The following NEK10 variants were observed in gnomAD, a reference collection of about 807,000 sequenced individuals.
NEK10 encodes the protein NIMA related kinase 10, also known as serine/threonine-protein kinase Nek10.
Under a neutral mutation model 159.8 loss-of-function variants are expected in NEK10, and 122 were observed. The observed-to-expected ratio is 0.76, with a 90% CI of 0.66 to 0.89. The LOEUF is 0.89. NEK10 is among the 40% of genes least tolerant of loss of function. The probability of loss-of-function intolerance (pLI) is 0.00; values close to 1 mark genes in which losing one functional copy is unlikely to be tolerated. For missense variants in NEK10, 1,342 were observed against 1,323.1 expected (o/e 1.01, Z -0.22); for synonymous variants, 466 against 457.1 (o/e 1.02, Z -0.25).
chr3:27,283,946 C>A (rs2042385041), intron 22 of NEK10, among the ~76,000 whole-genome samples: 1 of 152,110 alleles, frequency 6.6e-6, no homozygotes, highest in South Asian at 2.1e-4. Flanking sequence ...AACCTGAAAA[C>A]CATTGATTTT....
intron 5 of NEK10, among the ~76,000 whole-genome samples, chr3:27,330,657 G>T (rs2046329566): frequency 6.6e-6 from 1 of 152,088 alleles, no homozygotes; most frequent in African/African-American, 2.4e-5. Context: ...AACAATCTTA[G>T]CCTCAATGTT....
intron 7 of NEK10, 114 bp downstream of exon 7, chr3:27,314,183 G>A: frequency 2.7e-6 from 2 of 736,002 alleles, no homozygotes; most frequent in East Asian, 2.7e-5. Context: ...GTCCCTCTCT[G>A]GGGCAGACAG....
At chr3:27,236,174 G>A (rs1445154431) in intron 23 of NEK10, among the ~76,000 whole-genome samples, 1 of 152,080 alleles carries the variant, frequency 6.6e-6, no homozygotes, top group Non-Finnish European at 1.5e-5. Flanking sequence ...GAAGGAGAGA[G>A]AGGATCAGGA....
chr3:27,240,653 T>A (rs906092271), intron 23 of NEK10, among the ~76,000 whole-genome samples: 1 of 85,360 alleles, frequency 1.2e-5, no homozygotes, highest in Non-Finnish European at 2.1e-5. Flanking sequence ...TACTATCTCA[T>A]CTTTTTTTTT....
chr3:27,270,169 T>G (rs942867813), intron 22 of NEK10, among the ~76,000 whole-genome samples: 1 of 152,194 alleles, frequency 6.6e-6, no homozygotes, highest in Non-Finnish European at 1.5e-5. Flanking sequence ...TCCAATTGTG[T>G]TGTGCTCTCT....
chr3:27,234,859 AAGCT>A (rs1953727713), intron 23 of NEK10, among the ~76,000 whole-genome samples: 1 of 152,170 alleles, frequency 6.6e-6, no homozygotes, highest in South Asian at 2.1e-4. Context: ...ACCTGACTCC[AAGCT>A]ATACTACAGG....
chr3:27,231,704 C>T (rs1237846396), intron 23 of NEK10, among the ~76,000 whole-genome samples: 1 of 151,752 alleles, frequency 6.6e-6, no homozygotes, highest in Non-Finnish European at 1.5e-5. Flanking sequence ...TCATTCAGGG[C>T]TACTATGAAC....
chr3:27,365,810 A>C (rs1481591846), intron 1 of NEK10, among the ~76,000 whole-genome samples: 1 of 151,380 alleles, frequency 6.6e-6, no homozygotes, highest in African/African-American at 2.4e-5. Context: ...ACGGGGTTTC[A>C]CCATGTTGGC....
At position 27,109,465 on chromosome 3, in the gene NEK10, T is replaced by C. The variant is rs377360059; in HGVS notation, c.*1807A>G. The stretch of plus-strand genomic sequence containing the variant: ...GGCCAACTATATACACTTTAAAACA[T>C]CTTCAAGTAAACCATTTATCTTCCC... On this transcript the variant is annotated 3_prime_UTR_variant, in exon 36 of 36. Transcript: ENST00000691995. Among the ~76,000 whole-genome samples, 2 of 150,828 alleles carry C rather than the reference T, an allele frequency of 1.3e-5. No homozygotes were observed. Among genetic ancestry groups the C allele is most frequent in the Non-Finnish European group, 3.0e-5 (2 of 67,650 alleles).
rs564985328 is a variant in NEK10 at position 27,301,823 on chromosome 3, A to G, written c.1041T>C (p.Phe347=). The G allele has an allele frequency of 1.3e-6, 2 of 1,551,844 alleles. No individual in the cohort carries two copies. Among genetic ancestry groups the G allele is most frequent in the East Asian group, 4.9e-5 (2 of 40,984 alleles). The change falls in exon 13 of 36, where the codon TTT becomes TTC. Residue 347 remains phenylalanine, a synonymous_variant. Coordinates refer to ENST00000691995, the MANE Select transcript of NEK10 (RefSeq NM_001394966.1). The stretch of plus-strand genomic sequence containing the variant: ...TTCCAATGGAGGAGTGATCAGAAAC[A>G]AAATTTCTGTCTCTGAAAAAGAAAA... The part of the protein sequence containing the change: ...LLHILQGDRN[F]VSDHSSIGSL...
chr3:27,342,351 CA>C (rs894660550), intron 5 of NEK10, among the ~76,000 whole-genome samples: 21 of 152,232 alleles, frequency 1.4e-4, no homozygotes, highest in African/African-American at 4.8e-4. Context: ...GCTATTTTAG[CA>C]AGGTTACATG....
At position 27,226,324 on chromosome 3, in the gene NEK10, C is replaced by T. The variant is rs1023573964; in HGVS notation, c.2091-23767G>A. 3.8e-4 allele frequency among the ~76,000 whole-genome samples: 57 copies of T among 151,526 alleles called. 2 individuals carry two copies. Among genetic ancestry groups the T allele is most frequent in the Admixed American group, 3.5e-3 (53 of 15,236 alleles). On this transcript the variant is annotated intron_variant, in intron 23 of 35. Coordinates refer to ENST00000691995, the MANE Select transcript of NEK10 (RefSeq NM_001394966.1). ...CCTCCCAAAGTGCTAGGATTACAGGCGTGAGCCACCGTGCCTGGCCACAGT... is the reference window on the plus strand; with the variant it reads ...CCTCCCAAAGTGCTAGGATTACAGGTGTGAGCCACCGTGCCTGGCCACAGT...
intron 23 of NEK10, among the ~76,000 whole-genome samples, chr3:27,236,323 A>G (rs1953910029): frequency 6.6e-6 from 1 of 152,164 alleles, no homozygotes; most frequent in Middle Eastern, 3.2e-3. Context: ...TAAATGAAAT[A>G]TTTTTAAGAA....
chr3:27,220,885 T>C (rs1222324307), intron 23 of NEK10, among the ~76,000 whole-genome samples: 1 of 152,184 alleles, frequency 6.6e-6, no homozygotes, highest in Admixed American at 6.5e-5. Flanking sequence ...TATGGTCAAC[T>C]GATTTTTGAC....
At chr3:27,229,950 G>A (rs1953056261) in intron 23 of NEK10, among the ~76,000 whole-genome samples, 1 of 152,010 alleles carries the variant, frequency 6.6e-6, no homozygotes, top group Non-Finnish European at 1.5e-5. Flanking sequence ...CTTATTTTAG[G>A]GAATAATTGA....
At chr3:27,282,556 A>ATATATATATG in intron 22 of NEK10, among the ~76,000 whole-genome samples, 1 of 138,286 alleles carries the variant, frequency 7.2e-6, no homozygotes, top group Non-Finnish European at 1.6e-5. Context: ...ATATATATAT[A>ATATATATATG]TATACATAAC....
At chr3:27,310,069 T>C (rs1260483946) in intron 9 of NEK10, 1 of 152,212 alleles carries the variant, frequency 6.6e-6, no homozygotes, top group African/African-American at 2.4e-5. Context: ...GCTAAGGTAA[T>C]TTTTATGTTT....
chr3:27,153,609 C>T (rs567662779), intron 30 of NEK10, among the ~76,000 whole-genome samples: 1 of 152,260 alleles, frequency 6.6e-6, no homozygotes, highest in Non-Finnish European at 1.5e-5. Flanking sequence ...CAAGCACTCT[C>T]TTAGACCACA....
Position 27,319,025 on chromosome 3 carries a change from A to G in NEK10, c.447+3152T>C, listed in dbSNP as rs141898538. 6.5e-3 allele frequency among the ~76,000 whole-genome samples: 993 copies of G among 152,350 alleles called. 9 individuals carry two copies. Among genetic ancestry groups the G allele is most frequent in the African/African-American group, 0.023 (947 of 41,582 alleles). On this transcript the variant is annotated intron_variant, in intron 6 of 35. Transcript: ENST00000691995. ...ATAAATGCTAGAGGTTCTCAGGATC[A>G]GTACAGGCAAAGAGAAAACGTGGTA... is the stretch of plus-strand genomic sequence containing the variant.
Sources: gnomAD v4.1 joint callset for allele counts (sites outside exome capture counted in the v4.1 genomes callset) on GRCh38, gnomAD v4.1.1 for gene constraint, MANE v1.5 for transcripts, NCBI Gene and HGNC (gene_info 2026-07-23, HGNC 2026-07-21) for gene names.